GANAB: variants seen among roughly 807,000 people sequenced by gnomAD.
GANAB encodes neutral alpha-glucosidase AB.
GANAB carries 35 observed loss-of-function variants against 129.9 expected under a neutral mutation model. The observed-to-expected ratio is 0.27, with a 90% CI of 0.21 to 0.36. GANAB has a LOEUF of 0.36. Among genes scored for constraint, GANAB ranks in the 10% least tolerant of loss-of-function variants. The probability of loss-of-function intolerance (pLI) is 1.00; values close to 1 mark genes in which losing one functional copy is unlikely to be tolerated. For synonymous variants in GANAB, 482 were observed against 451.8 expected (o/e 1.07, Z -0.85); for missense variants, 939 against 1,221.0 (o/e 0.77, Z 3.44).
At position 62,631,118 on chromosome 11, in the gene GANAB, G is replaced by C. The variant is rs200167079; in HGVS notation, c.1062C>G (p.Arg354=). The change falls in exon 10 of 24, where the codon CGC becomes CGG. Residue 354 remains arginine (R), a synonymous_variant. Transcript: ENST00000356638. ...GSGETPQTDV[R]WMSETGIIDV... The stretch of plus-strand genomic sequence containing the variant: ...CAATGATGCCAGTCTCTGACATCCA[G>C]CGAACATCTGTCTGTGGGGTCTCCC... The C allele has an allele frequency of 3.1e-6, 5 of 1,611,662 alleles. No individual in the cohort carries two copies. The highest frequency in any genetic ancestry group is 4.2e-6 in the Non-Finnish European group (5 of 1,177,982).
chr11:62,627,633 G>A (rs1466858344), intron 17 of GANAB, among the ~76,000 whole-genome samples: 2 of 152,194 alleles, frequency 1.3e-5, no homozygotes. Flanking sequence ...TCAGGAGGCT[G>A]AGGCTGGAGA....
In GANAB at chr11:62,634,040, A is replaced by T. The variant is rs1157825845; in HGVS notation, c.561-526T>A. On this transcript the variant is annotated intron_variant, in intron 5 of 23. Coordinates refer to ENST00000356638, the MANE Select transcript of GANAB (RefSeq NM_198334.3). ...CTCAGGTGCCCCTCAGCTGAGAGTC[A>T]GGAACCCCAGCAATAGGCAGCATCT... 1.8e-5 allele frequency: 8 copies of T among 442,082 alleles called. No individual in the cohort carries two copies. The East Asian group carries it at 3.0e-4, about 17-fold the overall frequency. The allele number at this position is 442,082 out of a possible 1,614,324, so 27.4% of individuals were successfully genotyped here.
Position 62,633,096 on chromosome 11 carries a change from T to C in GANAB, c.724A>G (p.Met242Val), listed in dbSNP as rs757059506. The change falls in exon 8 of 24, where the codon ATG becomes GTG. Residue 242 changes from methionine to valine, a missense_variant. Met to Val is a conservative substitution (Grantham distance 21). Around this residue, in one of 5 missense-constraint regions of GANAB, gnomAD observed 321 missense variants for 329.1 expected, o/e 0.98. Transcript: ENST00000356638. Reference sequence around the variant, plus strand: ...AGAGAGAAGTCCAAACCCACAGACATGGGGCCTGGAAGAAAAACAAACAAG... The same window carrying C: ...AGAGAGAAGTCCAAACCCACAGACACGGGGCCTGGAAGAAAAACAAACAAG... ...THSDSKPYGP[M>V]SVGLDFSLPG... 13 of 1,610,394 alleles carry C rather than the reference T, an allele frequency of 8.1e-6. No homozygotes were observed. The highest frequency in any genetic ancestry group is 1.0e-5 in the Non-Finnish European group (12 of 1,176,870).
intron 5 of GANAB, among the ~76,000 whole-genome samples, chr11:62,634,142 T>TG (rs1565100638): frequency 6.6e-6 from 1 of 152,144 alleles, no homozygotes; most frequent in South Asian, 2.1e-4. Flanking sequence ...TTCCTTCTTC[T>TG]GGGGGCTCCC....
rs868572195 is a variant in GANAB, at chr11:62,626,222, G to C, written c.2625-57C>G. On this transcript the variant is annotated intron_variant, in intron 22 of 23. Coordinates refer to ENST00000356638, the MANE Select transcript of GANAB (RefSeq NM_198334.3). The stretch of plus-strand genomic sequence containing the variant: ...GGGAAAAATAACAGAACAGAAGGAA[G>C]GAGGAGACCCAAAGCAAGGTCAGAA... The C allele has an allele frequency of 4.3e-6, 6 of 1,396,108 alleles. No individual in the cohort carries two copies. The Middle Eastern group carries it at 1.1e-3, about 248-fold the overall frequency. 86.5% of individuals were successfully genotyped at this position (1,396,108 alleles called of 1,614,324 possible).
chr11:62,644,837 C>CAAAT (rs775241104), intron 1 of GANAB, among the ~76,000 whole-genome samples: 6 of 150,778 alleles, frequency 4.0e-5, no homozygotes, highest in Non-Finnish European at 5.9e-5. Flanking sequence ...AGTAAACAAA[C>CAAAT]AAATAAATAA....
Position 62,630,760 on chromosome 11 carries a change from C to A in GANAB, c.1227G>T (p.Val409=), listed in dbSNP as rs1943633812. The A allele has an allele frequency of 6.2e-7, 1 of 1,614,102 alleles. No individual in the cohort carries two copies. ...CATCAAAGCCCTGATCCACTTCCAG[C>A]ACATCAGCCTCGTCCCGGTAGTTCC... ...SRWNYRDEAD[V]LEVDQGFDDH... The change falls in exon 11 of 24, where the codon GTG becomes GTT. Residue 409 remains valine, a synonymous_variant. Coordinates refer to ENST00000356638, the MANE Select transcript of GANAB (RefSeq NM_198334.3).
chr11:62,636,684 G>A (rs755353875), intron 4 of GANAB, among the ~76,000 whole-genome samples: 22 of 152,008 alleles, frequency 1.4e-4, no homozygotes, highest in Non-Finnish European at 2.2e-4. Context: ...GTATAGTGAC[G>A]CACGCCTGTA....
Position 62,628,766 on chromosome 11 carries a change from C to T in GANAB, c.2180+3G>A, listed in dbSNP as rs374423341. ...CTCTTCACAGCCCAAGTGAATGCCT[C>T]ACCTCATGACAGGAATGCCTTCCCG... On this transcript the variant is annotated splice_donor_region_variant and intron_variant, in intron 17 of 23. Coordinates refer to ENST00000356638, the MANE Select transcript of GANAB (RefSeq NM_198334.3). The T allele has an allele frequency of 1.6e-5, 25 of 1,612,540 alleles. No homozygotes were observed. In the African/African-American group the frequency reaches 2.4e-4, roughly 16 times the overall value.
Position 62,631,195 on chromosome 11 carries a change from A to G in GANAB, c.997-12T>C. Reference sequence around the variant, plus strand: ...TTCCCAAACAGGGTCTGTATAGGTGACCACAAAGGGGTCAGACACCTCCTG... The same window carrying G: ...TTCCCAAACAGGGTCTGTATAGGTGGCCACAAAGGGGTCAGACACCTCCTG... On this transcript the variant is annotated splice_polypyrimidine_tract_variant and intron_variant, in intron 9 of 23. Transcript: ENST00000356638. 1 of 1,543,176 alleles carries G rather than the reference A, an allele frequency of 6.5e-7. No individual in the cohort carries two copies. The highest frequency in any genetic ancestry group is 8.8e-7 in the Non-Finnish European group (1 of 1,137,312).
chr11:62,627,524 G>A (rs1344415995), intron 17 of GANAB, among the ~76,000 whole-genome samples, 171 bp from the exon 18 acceptor site: 2 of 152,140 alleles, frequency 1.3e-5, no homozygotes, highest in African/African-American at 4.8e-5. Flanking sequence ...CTGAGGTCAG[G>A]AGTTCGAGAT....
intron 1 of GANAB, among the ~76,000 whole-genome samples, chr11:62,645,734 A>C (rs1944450533): frequency 6.6e-6 from 1 of 152,190 alleles, no homozygotes; most frequent in Non-Finnish European, 1.5e-5. Flanking sequence ...GGCCAAAGTC[A>C]GGAATAAGCT....
At position 62,627,081 on chromosome 11, in the gene GANAB, A is replaced by G. The variant is rs1267611438; in HGVS notation, c.2289T>C (p.His763=). 1 of 1,613,922 alleles carries G rather than the reference A, an allele frequency of 6.2e-7. No homozygotes were observed. Among genetic ancestry groups the G allele is most frequent in the East Asian group, 2.2e-5 (1 of 44,878 alleles). ...GGCCAGGCAGATAGACCTGGACACC[A>G]TGGGCTCCAGAGTCTGATACAGGGT... The part of the protein sequence containing the change: ...LVHPVSDSGA[H]GVQVYLPGQG... Residue 763 remains histidine (H), a synonymous_variant, in exon 19 of 24, where the codon CAT becomes CAC. Coordinates refer to ENST00000356638, the MANE Select transcript of GANAB (RefSeq NM_198334.3).
intron 4 of GANAB, 66 bp downstream of exon 4, chr11:62,638,917 C>CA (rs2134528053): frequency 2.6e-6 from 4 of 1,556,430 alleles, no homozygotes; most frequent in East Asian, 2.3e-5. Context: ...TATCAGCAAC[C>CA]AAAAAAAGGT....
At position 62,625,091 on chromosome 11, in the gene GANAB, G is replaced by A. The variant is rs1192973725; in HGVS notation, c.*724C>T. 2.5e-6 allele frequency: 1 copy of A among 392,464 alleles called. No individual in the cohort carries two copies. Among genetic ancestry groups the A allele is most frequent in the African/African-American group, 2.1e-5 (1 of 47,820 alleles). The allele number at this position is 392,464 out of a possible 1,614,324, so 24.3% of individuals were successfully genotyped here. A position where few individuals can be genotyped will look rare whatever the true frequency, so the allele number is the denominator to read the frequency against. On this transcript the variant is annotated 3_prime_UTR_variant, in exon 24 of 24. Coordinates refer to ENST00000356638, the MANE Select transcript of GANAB (RefSeq NM_198334.3). Reference sequence around the variant, plus strand: ...TCCATCTTAAGTGCCCCTCAAAGGGGACAAGAAGGGGGCAAAAGAAGTTTA... The same window carrying A: ...TCCATCTTAAGTGCCCCTCAAAGGGAACAAGAAGGGGGCAAAAGAAGTTTA...
At chr11:62,626,742 A>C in intron 20 of GANAB, 58 bp from the exon 21 acceptor site, 1 of 1,364,062 alleles carries the variant, frequency 7.3e-7, no homozygotes. Flanking sequence ...TGGGCCCCAC[A>C]GCATGTTTTG....
chr11:62,636,137 C>CCCA (rs1269155888), intron 4 of GANAB, among the ~76,000 whole-genome samples: 1 of 151,852 alleles, frequency 6.6e-6, no homozygotes, highest in Non-Finnish European at 1.5e-5. Flanking sequence ...ATTACAGGCG[C>CCCA]CCACCACCAC....
In GANAB at chr11:62,626,601, G is replaced by A. The variant is rs751355106; in HGVS notation, c.2481C>T (p.Pro827=). The A allele has an allele frequency of 1.9e-6, 3 of 1,610,964 alleles. No individual in the cohort carries two copies. Among genetic ancestry groups the A allele is most frequent in the African/African-American group, 2.7e-5 (2 of 74,856 alleles). ...RRSSECMKDD[P]ITLFVALSPQ... is the part of the protein sequence containing the mutation. The stretch of plus-strand genomic sequence containing the variant: ...GGCTAAGTGCAACAAAGAGAGTGAT[G>A]GGGTCATCCTTCATACATTCTGAAG... The change falls in exon 21 of 24, where the codon CCC becomes CCT. Residue 827 remains proline (P), a synonymous_variant. Transcript: ENST00000356638.
rs756343398 is a variant in GANAB, at chr11:62,629,314, G to C, written c.1835-19C>G. 8.4e-6 allele frequency: 13 copies of C among 1,540,970 alleles called. No homozygotes were observed. The African/African-American group carries it at 1.2e-4, about 15-fold the overall frequency. On this transcript the variant is annotated intron_variant, in intron 15 of 23. Transcript: ENST00000356638. ...ACGGCTCCTGAGGAAGACAAGAAGT[G>C]GGGAGCTTGCACATGGTAAAGGAGT... is the stretch of plus-strand genomic sequence containing the variant.
Sources: gnomAD v4.1 joint callset for allele counts (sites outside exome capture counted in the v4.1 genomes callset) on GRCh38, gnomAD v4.1.1 for gene constraint, gnomAD v4.1.1 regional missense constraint, MANE v1.5 for transcripts, NCBI Gene and HGNC (gene_info 2026-07-23, HGNC 2026-07-21) for gene names.